The following XKR9 variants were observed in gnomAD, a reference collection of about 807,000 sequenced individuals.
XKR9 encodes the protein XK-related protein 9.
In XKR9, 32 loss-of-function variants were observed where a neutral mutation model predicts 32.0. The ratio of observed to expected loss-of-function variants is 1.00; its 90% CI spans 0.76 to 1.34. XKR9 has a LOEUF of 1.34. Ranked by LOEUF, XKR9 falls within the 40% of genes most tolerant of loss-of-function variation. The probability of loss-of-function intolerance (pLI) is 0.00; values close to 1 mark genes in which losing one functional copy is unlikely to be tolerated. For missense variants in XKR9, 546 were observed against 429.7 expected (o/e 1.27, Z -2.39); for synonymous variants, 168 against 143.4 (o/e 1.17, Z -1.22).
chr8:70,992,136 C>T, the XKR9 span, among the ~76,000 whole-genome samples: 1 of 152,182 alleles, frequency 6.6e-6, no homozygotes, highest in Non-Finnish European at 1.5e-5. Flanking sequence ...CTGCCTGTAA[C>T]TTGTTAGCTA....
the XKR9 span, among the ~76,000 whole-genome samples, chr8:70,861,690 G>T: frequency 2.0e-5 from 3 of 151,992 alleles, no homozygotes; most frequent in African/African-American, 7.2e-5. Flanking sequence ...TAAAGCTGTT[G>T]TGAGAATTCA....
the XKR9 span, among the ~76,000 whole-genome samples, chr8:71,060,337 G>C: frequency 6.6e-6 from 1 of 152,208 alleles, no homozygotes; most frequent in African/African-American, 2.4e-5. Flanking sequence ...GACAGAGCCA[G>C]TAACATTTTT....
the XKR9 span, among the ~76,000 whole-genome samples, chr8:70,817,736 T>C: frequency 1.3e-5 from 2 of 152,030 alleles, no homozygotes; most frequent in Non-Finnish European, 2.9e-5. Context: ...ACTACAAGGT[T>C]ACAGTATGCT....
chr8:70,861,022 T>C, the XKR9 span, among the ~76,000 whole-genome samples: 1 of 152,164 alleles, frequency 6.6e-6, no homozygotes, highest in Non-Finnish European at 1.5e-5. Flanking sequence ...GTCTTCTCTT[T>C]CCTTGAATGT....
chr8:70,715,736 A>G (rs1052040859), intron 4 of XKR9, among the ~76,000 whole-genome samples: 3 of 152,188 alleles, frequency 2.0e-5, no homozygotes, highest in African/African-American at 7.2e-5. Flanking sequence ...TAATGTACTA[A>G]GGATAGAAAA....
At chr8:70,972,550 AGG>A in the XKR9 span, among the ~76,000 whole-genome samples, 1 of 152,066 alleles carries the variant, frequency 6.6e-6, no homozygotes, top group African/African-American at 2.4e-5. Flanking sequence ...TCCAGTTTTT[AGG>A]GGGAATGCTT....
chr8:70,804,325 C>G, the XKR9 span, among the ~76,000 whole-genome samples: 1 of 152,228 alleles, frequency 6.6e-6, no homozygotes. Flanking sequence ...AGTAAGACTG[C>G]TGGGTCAGGC....
the XKR9 span, among the ~76,000 whole-genome samples, chr8:70,895,912 G>A: frequency 2.0e-5 from 3 of 152,206 alleles, no homozygotes; most frequent in South Asian, 2.1e-4. Flanking sequence ...CGGTGTTGAG[G>A]CAAGAGGATT....
chr8:70,985,005 C>G, the XKR9 span, among the ~76,000 whole-genome samples: 2 of 152,032 alleles, frequency 1.3e-5, no homozygotes, highest in African/African-American at 4.8e-5. Context: ...ATAATGATTG[C>G]TAAGAAGGTA....
chr8:70,718,564 A>G (rs1214811486), intron 4 of XKR9, among the ~76,000 whole-genome samples: 1 of 152,152 alleles, frequency 6.6e-6, no homozygotes, highest in Non-Finnish European at 1.5e-5. Flanking sequence ...GAGTGAGAAC[A>G]TGCAGTGTTT....
chr8:70,935,152 CAT>C, the XKR9 span, among the ~76,000 whole-genome samples: 9 of 138,554 alleles, frequency 6.5e-5, no homozygotes, highest in South Asian at 6.8e-4. Flanking sequence ...CACATATATA[CAT>C]ATATATACAT....
the XKR9 span, among the ~76,000 whole-genome samples, chr8:70,975,517 G>T: frequency 6.6e-6 from 1 of 152,118 alleles, no homozygotes; most frequent in African/African-American, 2.4e-5. Context: ...CCCATTGCTT[G>T]TTTTTGTCAG....
At chr8:70,925,519 A>G in the XKR9 span, among the ~76,000 whole-genome samples, 59,860 of 152,086 alleles carry the variant, frequency 0.39, 13,476 homozygotes, top group Non-Finnish European at 0.52. Context: ...ATGTTTACAA[A>G]CATAACACTT....
At chr8:71,004,326 C>G in the XKR9 span, among the ~76,000 whole-genome samples, 1 of 152,074 alleles carries the variant, frequency 6.6e-6, no homozygotes. Context: ...CAGAGGGAAA[C>G]TATTAGCAGC....
the XKR9 span, among the ~76,000 whole-genome samples, chr8:70,811,349 C>T: frequency 6.6e-6 from 1 of 151,980 alleles, no homozygotes; most frequent in Non-Finnish European, 1.5e-5. Context: ...GAAAGATCTA[C>T]AATTGACACC....
At chr8:70,895,502 C>T in the XKR9 span, among the ~76,000 whole-genome samples, 1 of 152,142 alleles carries the variant, frequency 6.6e-6, no homozygotes, top group Non-Finnish European at 1.5e-5. Context: ...ATCAGCTTAA[C>T]ATCTACAAAA....
the XKR9 span, among the ~76,000 whole-genome samples, chr8:70,898,414 C>T: frequency 6.6e-6 from 1 of 152,082 alleles, no homozygotes; most frequent in Admixed American, 6.6e-5. Context: ...TTTAGTGGTT[C>T]CATATACATT....
At chr8:70,815,616 C>G in the XKR9 span, among the ~76,000 whole-genome samples, 1 of 151,936 alleles carries the variant, frequency 6.6e-6, no homozygotes, top group Non-Finnish European at 1.5e-5. Flanking sequence ...AGCTCCGCCT[C>G]CCGGGTTCAT....
At chr8:70,760,170 C>T (rs1365151947) in intron 2 of XKR9, among the ~76,000 whole-genome samples, 4 of 152,136 alleles carry the variant, frequency 2.6e-5, no homozygotes, top group Admixed American at 6.5e-5. Flanking sequence ...TCTGTTAGGA[C>T]AACATTTTTT....
Sources: allele counts gnomAD v4.1 joint callset (sites outside exome capture counted in the v4.1 genomes callset), GRCh38; gene constraint gnomAD v4.1.1; transcripts MANE v1.5; gene names NCBI Gene and HGNC (gene_info 2026-07-23, HGNC 2026-07-21).